Variants in GALNT14 observed in about 807,000 individuals in gnomAD.
GALNT14 encodes the protein polypeptide N-acetylgalactosaminyltransferase 14, also known as UDP-GalNAc:polypeptide N-acetylgalactosaminyltransferase 14.
GALNT14 carries 60 observed loss-of-function variants against 77.5 expected under a neutral mutation model. The observed-to-expected ratio is 0.77, with a 90% CI of 0.63 to 0.96. The LOEUF (loss-of-function observed/expected upper bound fraction) is 0.96, where lower values mean the gene tolerates loss of function less well. Ranked by LOEUF, GALNT14 falls within the 40% of genes least tolerant of loss-of-function variation. The probability of loss-of-function intolerance (pLI) is 0.00; values close to 1 mark genes in which losing one functional copy is unlikely to be tolerated. For missense variants in GALNT14, 710 were observed against 731.0 expected, an observed-to-expected ratio of 0.97 and a Z score of 0.33; for synonymous variants, 280 against 281.7, an observed-to-expected ratio of 0.99 and a Z score of 0.06.
intron 1 of GALNT14, among the ~76,000 whole-genome samples, chr2:31,082,862 A>G (rs947962422): frequency 1.3e-5 from 2 of 152,110 alleles, no homozygotes; most frequent in Non-Finnish European, 2.9e-5. Flanking sequence ...TACTAAATAT[A>G]CAAAAATTAG....
At chr2:31,067,345 C>T (rs566078824) in intron 1 of GALNT14, among the ~76,000 whole-genome samples, 4 of 152,230 alleles carry the variant, frequency 2.6e-5, no homozygotes, top group Middle Eastern at 3.4e-3. Context: ...AGATGAGTGC[C>T]CCTCGTTACC....
chr2:31,001,893 CA>C (rs1272877933), intron 1 of GALNT14, among the ~76,000 whole-genome samples: 2 of 151,926 alleles, frequency 1.3e-5, no homozygotes, highest in African/African-American at 2.4e-5. Context: ...GAACAAAAGA[CA>C]AAAAATGGCT....
At chr2:31,017,033 T>C (rs953928878) in intron 1 of GALNT14, among the ~76,000 whole-genome samples, 1 of 152,376 alleles carries the variant, frequency 6.6e-6, no homozygotes, top group African/African-American at 2.4e-5. Flanking sequence ...ATGATCACTT[T>C]ATGGTTAAGC....
chr2:30,977,569 T>G (rs1038740738), intron 2 of GALNT14, among the ~76,000 whole-genome samples: 7 of 152,132 alleles, frequency 4.6e-5, no homozygotes, highest in Non-Finnish European at 7.4e-5. Context: ...CATCATTCCC[T>G]CCTTTCACCT....
chr2:30,912,313 G>A lies in GALNT14; in HGVS notation c.1410C>T (p.Ile470=), dbSNP rs1284178025. 2 of 1,614,156 alleles carry A rather than the reference G, an allele frequency of 1.2e-6. No individual in the cohort carries two copies. Among genetic ancestry groups the A allele is most frequent in the Non-Finnish European group, 1.7e-6 (2 of 1,180,016 alleles). ...QVWAFTYTQQ[I]LQEELCLSVI... is the part of the protein sequence containing the mutation. ...CTGACAGGCACAGCTCCTCCTGGAG[G>A]ATCTGCTGGGTGTATGTGAAGGCCC... is the stretch of plus-strand genomic sequence containing the variant. The change falls in exon 14 of 15, where the codon ATC becomes ATT. Residue 470 remains isoleucine (I), a synonymous_variant. Coordinates refer to ENST00000349752, the MANE Select transcript of GALNT14 (RefSeq NM_024572.4).
At chr2:31,053,483 C>A (rs955483820) in intron 1 of GALNT14, among the ~76,000 whole-genome samples, 5 of 149,054 alleles carry the variant, frequency 3.4e-5, no homozygotes, top group African/African-American at 1.2e-4. Context: ...ACAGCTCCAA[C>A]CCCGATAGCC....
chr2:31,063,883 A>C (rs1573278932), intron 1 of GALNT14, among the ~76,000 whole-genome samples: 1 of 152,104 alleles, frequency 6.6e-6, no homozygotes, highest in African/African-American at 2.4e-5. Flanking sequence ...GTAAGTTTCA[A>C]TAAATTCTTG....
At chr2:30,955,031 A>C (rs1667270931) in intron 6 of GALNT14, among the ~76,000 whole-genome samples, 1 of 152,240 alleles carries the variant, frequency 6.6e-6, no homozygotes, top group South Asian at 2.1e-4. Context: ...ATAAAATAAT[A>C]AGAAAAATTA....
At chr2:31,010,942 G>A (rs1274942684) in intron 1 of GALNT14, among the ~76,000 whole-genome samples, 1 of 152,226 alleles carries the variant, frequency 6.6e-6, no homozygotes, top group African/African-American at 2.4e-5. Context: ...CTTTCAATGG[G>A]CCTGGCTTTT....
chr2:30,995,377 T>C (rs1436244787), intron 1 of GALNT14, among the ~76,000 whole-genome samples: 10 of 152,186 alleles, frequency 6.6e-5, no homozygotes, highest in Non-Finnish European at 1.0e-4. Context: ...CTGTACAAAT[T>C]TGTATTATAG....
intron 2 of GALNT14, among the ~76,000 whole-genome samples, chr2:30,978,176 T>C (rs1668754392): frequency 6.6e-6 from 1 of 152,244 alleles, no homozygotes; most frequent in African/African-American, 2.4e-5. Flanking sequence ...ACTGTACCTG[T>C]GTCACAACCT....
chr2:31,071,653 C>G (rs1479003675), intron 1 of GALNT14, among the ~76,000 whole-genome samples: 1 of 152,240 alleles, frequency 6.6e-6, no homozygotes, highest in South Asian at 2.1e-4. Context: ...AGGAATCTGC[C>G]CCCCGGTTTC....
intron 1 of GALNT14, among the ~76,000 whole-genome samples, chr2:31,054,969 T>C (rs1015700189): frequency 5.9e-5 from 9 of 152,194 alleles, no homozygotes; most frequent in Admixed American, 2.0e-4. Context: ...AGACTGGGAA[T>C]AGCTTCCTAT....
At chr2:31,115,675 G>A (rs1678068537) in intron 1 of GALNT14, among the ~76,000 whole-genome samples, 1 of 152,156 alleles carries the variant, frequency 6.6e-6, no homozygotes, top group Non-Finnish European at 1.5e-5. Flanking sequence ...GGTAGTGGAA[G>A]GTAGGGTGAA....
intron 1 of GALNT14, among the ~76,000 whole-genome samples, chr2:31,084,030 G>A (rs2148588026): frequency 6.6e-6 from 1 of 152,272 alleles, no homozygotes; most frequent in South Asian, 2.1e-4. Flanking sequence ...TAGCCCAGTA[G>A]GGGAGAAAGA....
At chr2:31,073,734 T>G (rs1266794681) in intron 1 of GALNT14, among the ~76,000 whole-genome samples, 1 of 152,174 alleles carries the variant, frequency 6.6e-6, no homozygotes, top group Admixed American at 6.5e-5. Context: ...ACTATACATT[T>G]TATTGTAAGT....
At chr2:31,077,792 T>C (rs1443227337) in intron 1 of GALNT14, among the ~76,000 whole-genome samples, 1 of 152,220 alleles carries the variant, frequency 6.6e-6, no homozygotes, top group Non-Finnish European at 1.5e-5. Context: ...CATTCCTTAA[T>C]TAGCAAGGTA....
chr2:30,895,139 G>A, the GALNT14 span, among the ~76,000 whole-genome samples: 2 of 152,232 alleles, frequency 1.3e-5, no homozygotes, highest in Admixed American at 1.3e-4. Context: ...GGAAGCAGAT[G>A]AAGGAGCAGC....
intron 1 of GALNT14, chr2:31,125,334 C>A (rs927237417): frequency 6.8e-6 from 7 of 1,030,808 alleles, no homozygotes; most frequent in Middle Eastern, 2.0e-4. Flanking sequence ...AGAGATCTTA[C>A]CCCTCACAAA....
Sources: allele counts gnomAD v4.1 joint callset (sites outside exome capture counted in the v4.1 genomes callset), GRCh38; gene constraint gnomAD v4.1.1; transcripts MANE v1.5; gene names NCBI Gene and HGNC (gene_info 2026-07-23, HGNC 2026-07-21).